GUCY1A2: variants seen among roughly 807,000 people sequenced by gnomAD.
GUCY1A2 encodes the protein guanylate cyclase soluble subunit alpha-2.
In GUCY1A2, 27 loss-of-function variants were observed where a neutral mutation model predicts 63.5. The ratio of observed to expected loss-of-function variants is 0.43; its 90% CI spans 0.31 to 0.59. The LOEUF is 0.59. Among genes scored for constraint, GUCY1A2 ranks in the 20% least tolerant of loss-of-function variants. GUCY1A2 has a pLI of 0.11. For missense variants in GUCY1A2, 768 were observed against 913.3 expected, an observed-to-expected ratio of 0.84 and a Z score of 2.05; for synonymous variants, 364 against 343.5, an observed-to-expected ratio of 1.06 and a Z score of -0.66.
chr11:106,925,564 T>G (rs988366895), intron 4 of GUCY1A2, among the ~76,000 whole-genome samples: 17 of 152,330 alleles, frequency 1.1e-4, no homozygotes, highest in African/African-American at 3.8e-4. Flanking sequence ...TTACCCTAAT[T>G]TTTGGCAAGA....
At position 106,683,460 on chromosome 11, in the gene GUCY1A2, A is replaced by AG. The variant is rs1165602453; in HGVS notation, c.*4088dup. 1 of 227,024 alleles carries AG rather than the reference A, an allele frequency of 4.4e-6. No individual in the cohort carries two copies. Among genetic ancestry groups the AG allele is most frequent in the Non-Finnish European group, 8.8e-6 (1 of 114,150 alleles). The allele number at this position is 227,024 out of a possible 1,614,324, so 14.1% of individuals were successfully genotyped here. A position where few individuals can be genotyped will look rare whatever the true frequency, so the allele number is the denominator to read the frequency against. On this transcript the variant is annotated 3_prime_UTR_variant, in exon 8 of 8. Coordinates refer to ENST00000526355, the MANE Select transcript of GUCY1A2 (RefSeq NM_000855.3). ...AAGAAAGAGCAGAGGGTGAAGCTGC[A>AG]GATATAATCAATGCCCCGGCACATC... is the stretch of plus-strand genomic sequence containing the variant.
intron 4 of GUCY1A2, chr11:106,824,885 G>A: frequency 1.9e-6 from 3 of 1,612,338 alleles, no homozygotes; most frequent in Non-Finnish European, 1.7e-6. Context: ...TCCAGAAGAA[G>A]GCTGCAAACA....
intron 4 of GUCY1A2, among the ~76,000 whole-genome samples, chr11:106,902,447 T>A (rs1860146939): frequency 6.6e-6 from 1 of 152,198 alleles, no homozygotes; most frequent in Non-Finnish European, 1.5e-5. Flanking sequence ...TCTTTTGAAG[T>A]TTTGACTTCT....
At chr11:107,001,797 T>A (rs1266868049) in intron 1 of GUCY1A2, among the ~76,000 whole-genome samples, 1 of 152,256 alleles carries the variant, frequency 6.6e-6, no homozygotes, top group South Asian at 2.1e-4. Context: ...GGCAGGCGGA[T>A]CACCTGAGGT....
At chr11:106,753,529 A>G (rs538484496) in intron 6 of GUCY1A2, among the ~76,000 whole-genome samples, 3 of 152,278 alleles carry the variant, frequency 2.0e-5, no homozygotes, top group African/African-American at 4.8e-5. Context: ...TCCATCTTGA[A>G]TTAATTTTTG....
chr11:106,919,715 G>T (rs774356482), intron 4 of GUCY1A2, among the ~76,000 whole-genome samples: 8 of 152,070 alleles, frequency 5.3e-5, no homozygotes, highest in Non-Finnish European at 1.2e-4. Context: ...AACAGTATAT[G>T]CAAAATCCCT....
chr11:106,990,573 G>GTCTC (rs536249510), intron 1 of GUCY1A2, among the ~76,000 whole-genome samples: 1 of 151,882 alleles, frequency 6.6e-6, no homozygotes, highest in African/African-American at 2.4e-5. Flanking sequence ...GTAAAGATGT[G>GTCTC]TCTCTCTCTC....
intron 4 of GUCY1A2, among the ~76,000 whole-genome samples, chr11:106,930,791 G>C (rs530856934): frequency 6.6e-6 from 1 of 152,128 alleles, no homozygotes; most frequent in African/African-American, 2.4e-5. Context: ...AAAGTACTTC[G>C]GGGCTGGACA....
At chr11:106,746,881 G>A (rs931317279) in intron 6 of GUCY1A2, among the ~76,000 whole-genome samples, 6 of 152,158 alleles carry the variant, frequency 3.9e-5, no homozygotes, top group African/African-American at 1.4e-4. Flanking sequence ...AAAAAGGAGT[G>A]TAAAGGCACC....
At chr11:106,837,527 G>T (rs1187924852) in intron 4 of GUCY1A2, among the ~76,000 whole-genome samples, 1 of 151,964 alleles carries the variant, frequency 6.6e-6, no homozygotes, top group African/African-American at 2.4e-5. Context: ...GGATTGCTGG[G>T]TCAAGTGGTA....
chr11:106,941,231 A>T (rs1175404882), intron 3 of GUCY1A2, among the ~76,000 whole-genome samples: 2 of 152,224 alleles, frequency 1.3e-5, no homozygotes, highest in Non-Finnish European at 2.9e-5. Flanking sequence ...TCACTCCCTG[A>T]TGCCCTGGCA....
intron 5 of GUCY1A2, among the ~76,000 whole-genome samples, chr11:106,783,852 G>T (rs1864509213): frequency 6.6e-6 from 1 of 152,132 alleles, no homozygotes; most frequent in South Asian, 2.1e-4. Context: ...GGTTTCAAAA[G>T]GTGGCATCCC....
chr11:106,913,480 C>T (rs1241346527), intron 4 of GUCY1A2, among the ~76,000 whole-genome samples: 1 of 152,068 alleles, frequency 6.6e-6, no homozygotes, highest in African/African-American at 2.4e-5. Flanking sequence ...AGAACTCACT[C>T]ATCACCATGA....
At chr11:106,976,169 T>C (rs1004895400) in intron 3 of GUCY1A2, among the ~76,000 whole-genome samples, 5 of 152,078 alleles carry the variant, frequency 3.3e-5, no homozygotes, top group African/African-American at 1.2e-4. Context: ...TGTTTGCCAA[T>C]CTCAGTCCAC....
chr11:106,796,823 C>T (rs1324463482), intron 5 of GUCY1A2, among the ~76,000 whole-genome samples: 3 of 152,066 alleles, frequency 2.0e-5, no homozygotes, highest in Non-Finnish European at 4.4e-5. Context: ...TGTTGGCCTG[C>T]CTTGCTAGGT....
At chr11:106,919,172 A>G (rs1162165122) in intron 4 of GUCY1A2, among the ~76,000 whole-genome samples, 2 of 152,158 alleles carry the variant, frequency 1.3e-5, no homozygotes, top group African/African-American at 4.8e-5. Flanking sequence ...ATGTTTGCTC[A>G]TGTTTTTTGT....
chr11:106,885,322 A>G (rs950806461), intron 4 of GUCY1A2, among the ~76,000 whole-genome samples: 1 of 152,172 alleles, frequency 6.6e-6, no homozygotes, highest in Admixed American at 6.6e-5. Context: ...ATTGATGAGT[A>G]AATTTATCCA....
chr11:106,917,506 T>C lies in GUCY1A2; in HGVS notation c.1206+21954A>G, dbSNP rs1291714341. ...GACATATGCACATGTATGTTTATTG[T>C]GACACTATTCACAATAGCAAAGACT... On this transcript the variant is annotated intron_variant, in intron 4 of 7. Transcript: ENST00000526355. Among the ~76,000 whole-genome samples the C allele has an allele frequency of 2.1e-5, 3 of 144,886 alleles. 1 individual carries two copies. Among genetic ancestry groups the C allele is most frequent in the Non-Finnish European group, 4.6e-5 (3 of 64,556 alleles).
intron 6 of GUCY1A2, among the ~76,000 whole-genome samples, chr11:106,745,888 G>A (rs1416105596): frequency 6.6e-6 from 1 of 152,176 alleles, no homozygotes; most frequent in African/African-American, 2.4e-5. Flanking sequence ...GCTATCTAAT[G>A]TAACTTTTTC....
Sources: allele counts gnomAD v4.1 joint callset (sites outside exome capture counted in the v4.1 genomes callset), GRCh38; gene constraint gnomAD v4.1.1; transcripts MANE v1.5; gene names NCBI Gene and HGNC (gene_info 2026-07-23, HGNC 2026-07-21).